The following CCR7 variants were observed in gnomAD, a reference collection of about 807,000 sequenced individuals.
CCR7 encodes C-C chemokine receptor type 7.
Under a neutral mutation model 26.0 loss-of-function variants are expected in CCR7, and 11 were observed. The ratio of observed to expected loss-of-function variants is 0.42; its 90% CI spans 0.27 to 0.70. The LOEUF is 0.70. CCR7 is among the 30% of genes least tolerant of loss of function. The pLI is 0.23. For missense variants in CCR7, 360 were observed against 504.0 expected (o/e 0.71, Z 2.74); for synonymous variants, 189 against 202.1 (o/e 0.94, Z 0.55).
Position 40,565,448 on chromosome 17 carries a change from G to T in CCR7, c.-39C>A. The T allele has an allele frequency of 6.2e-7, 1 of 1,610,118 alleles. No homozygotes were observed. The highest frequency in any genetic ancestry group is 8.5e-7 in the Non-Finnish European group (1 of 1,176,366). The stretch of plus-strand genomic sequence containing the variant: ...CGGTAAAACCACACAGGAAGGCTGT[G>T]CCCGGCCTCGCACTACCCCTGTCTG... On this transcript the variant is annotated 5_prime_UTR_variant, in exon 1 of 3. Transcript: ENST00000246657.
chr17:40,561,574 A>C (rs1230419170), intron 1 of CCR7, among the ~76,000 whole-genome samples: 4 of 152,000 alleles, frequency 2.6e-5, no homozygotes, highest in Non-Finnish European at 5.9e-5. Flanking sequence ...ATTCCCTAGA[A>C]CTCCAACCGG....
In CCR7 at chr17:40,554,627, C is replaced by A. The variant is rs2036557081; in HGVS notation, c.*115G>T. 9.9e-6 allele frequency: 8 copies of A among 807,694 alleles called. No homozygotes were observed. In the East Asian group the frequency reaches 2.0e-4, roughly 20 times the overall value. The allele number at this position is 807,694 out of a possible 1,614,324, so 50.0% of individuals were successfully genotyped here. A position where few individuals can be genotyped will look rare whatever the true frequency, so the allele number is the denominator to read the frequency against. On this transcript the variant is annotated 3_prime_UTR_variant, in exon 3 of 3. Transcript: ENST00000246657. ...AGGGGCTTGCACTCTGAGGGGAGAG[C>A]TGCTTTTCCCTGAGCAGCTTTTGGC...
chr17:40,555,153 A>G lies in CCR7; in HGVS notation c.726T>C (p.Cys242=), dbSNP rs751684156. ...FLVPLLAMSF[C]YLVIIRTLLQ... Reference sequence around the variant, plus strand: ...GCAGGGTGCGGATGATGACAAGGTAACAGAAGCTCATGGCCAGCAGGGGGA... The same window carrying G: ...GCAGGGTGCGGATGATGACAAGGTAGCAGAAGCTCATGGCCAGCAGGGGGA... Residue 242 remains cysteine, a synonymous_variant, in exon 3 of 3, where the codon TGT becomes TGC. Coordinates refer to ENST00000246657, the MANE Select transcript of CCR7 (RefSeq NM_001838.4). This position sits in a 1 kb window ranked among gnomAD's most constrained non-coding sequence, Gnocchi z 5.6. 7 of 1,614,028 alleles carry G rather than the reference A, an allele frequency of 4.3e-6. No individual in the cohort carries two copies. The East Asian group carries it at 1.1e-4, about 26-fold the overall frequency.
rs1243087807 is a variant in CCR7, at chr17:40,554,945, A to G, written c.934T>C (p.Tyr312His). The change falls in exon 3 of 3, where the codon TAC becomes CAC. Residue 312 changes from tyrosine (Y) to histidine (H), a missense_variant. Tyr to His is a moderately conservative substitution (Grantham distance 83). Transcript: ENST00000246657. ...KQLNIAYDVT[Y>H]SLACVRCCVN... Reference sequence around the variant, plus strand: ...CAGCAGCGGACGCAGGCCAGGCTGTAGGTGACGTCGTAGGCGATGTTGAGT... The same window carrying G: ...CAGCAGCGGACGCAGGCCAGGCTGTGGGTGACGTCGTAGGCGATGTTGAGT... 5.0e-6 allele frequency: 8 copies of G among 1,614,096 alleles called. No homozygotes were observed. The highest frequency in any genetic ancestry group is 6.8e-6 in the Non-Finnish European group (8 of 1,180,046).
In CCR7 at chr17:40,554,436, C is replaced by T; in HGVS notation, c.*306G>A. On this transcript the variant is annotated 3_prime_UTR_variant, in exon 3 of 3. Coordinates refer to ENST00000246657, the MANE Select transcript of CCR7 (RefSeq NM_001838.4). ...GCACTCACCCTCCTTGGCCCCTTCA[C>T]TCCAGCAGGTGGGAACAGTTTCTGG... 1 of 356,590 alleles carries T rather than the reference C, an allele frequency of 2.8e-6. No homozygotes were observed. The highest frequency in any genetic ancestry group is 3.8e-5 in the South Asian group (1 of 26,658). 22.1% of individuals were successfully genotyped at this position (356,590 alleles called of 1,614,324 possible).
rs1329688687 is a variant in CCR7, at chr17:40,554,662, T to A, written c.*80A>T. ...CTGAGCAGCTTTTGGCGGGGGGATG[T>A]CCTGAGTCATTGCATCTGCTCCCTA... On this transcript the variant is annotated 3_prime_UTR_variant, in exon 3 of 3. Transcript: ENST00000246657. 1 of 1,106,796 alleles carries A rather than the reference T, an allele frequency of 9.0e-7. No homozygotes were observed. The highest frequency in any genetic ancestry group is 1.3e-6 in the Non-Finnish European group (1 of 761,400). The allele number at this position is 1,106,796 out of a possible 1,614,324, so 68.6% of individuals were successfully genotyped here.
intron 1 of CCR7, among the ~76,000 whole-genome samples, chr17:40,560,358 G>A (rs2036640842): frequency 6.6e-6 from 1 of 152,216 alleles, no homozygotes; most frequent in African/African-American, 2.4e-5. Flanking sequence ...AATAGCGCCA[G>A]GAAATGCGTG....
chr17:40,555,400 T>C lies in CCR7; in HGVS notation c.479A>G (p.Gln160Arg), dbSNP rs772570112. The change falls in exon 3 of 3, where the codon CAG (glutamine) becomes CGG (arginine). Residue 160 changes from glutamine to arginine, a missense_variant. Coordinates refer to ENST00000246657, the MANE Select transcript of CCR7 (RefSeq NM_001838.4). This position sits in a 1 kb window ranked among gnomAD's most constrained non-coding sequence, Gnocchi z 5.6. ...ACGGTGGCGGTGAGCTGAGACAGCC[T>C]GGACGATGGCCACGTAGCGGTCAAT... ...ISIDRYVAIV[Q>R]AVSAHRHRAR... The C allele has an allele frequency of 3.1e-6, 5 of 1,613,914 alleles. No individual in the cohort carries two copies. Among genetic ancestry groups the C allele is most frequent in the Non-Finnish European group, 4.2e-6 (5 of 1,180,038 alleles).
At chr17:40,561,864 A>C (rs1475298520) in intron 1 of CCR7, among the ~76,000 whole-genome samples, 4 of 152,128 alleles carry the variant, frequency 2.6e-5, no homozygotes, top group Admixed American at 1.3e-4. Context: ...GATCTGGGGA[A>C]TCCACTTTCA....
chr17:40,554,131 C>G lies in CCR7; in HGVS notation c.*611G>C, dbSNP rs572020150. 6.6e-6 allele frequency: 1 copy of G among 152,642 alleles called. No individual in the cohort carries two copies. Among genetic ancestry groups the G allele is most frequent in the African/African-American group, 2.4e-5 (1 of 41,446 alleles). The allele number at this position is 152,642 out of a possible 1,614,324, so 9.5% of individuals were successfully genotyped here. ...CTCCCCTGTTGAGAGCCTGGGAGGG[C>G]GACGCGGCAAGTGAGGGGATGAGTG... is the stretch of plus-strand genomic sequence containing the variant. On this transcript the variant is annotated 3_prime_UTR_variant, in exon 3 of 3. Coordinates refer to ENST00000246657, the MANE Select transcript of CCR7 (RefSeq NM_001838.4).
chr17:40,558,933 A>G lies in CCR7; in HGVS notation c.20T>C (p.Met7Thr), dbSNP rs111607645. The change falls in exon 2 of 3, where the codon ATG becomes ACG. Residue 7 changes from methionine to threonine, a missense_variant. By Grantham distance (81) the Met-to-Thr change is moderately conservative (BLOSUM62 -1). Coordinates refer to ENST00000246657, the MANE Select transcript of CCR7 (RefSeq NM_001838.4). ...GAGAGCCACCACCAGCACGCTTTTC[A>G]TTGGTTTCCCTGTAGGAGACAAGGC... MDLGKP[M>T]KSVLVVALLV... 6.2e-7 allele frequency: 1 copy of G among 1,612,330 alleles called. No individual in the cohort carries two copies. Among genetic ancestry groups the G allele is most frequent in the East Asian group, 2.2e-5 (1 of 44,798 alleles).
intron 1 of CCR7, among the ~76,000 whole-genome samples, chr17:40,562,848 T>C (rs145462953): frequency 6.6e-6 from 1 of 152,230 alleles, no homozygotes; most frequent in African/African-American, 2.4e-5. Context: ...CATGGAGTTT[T>C]TGAAATAATA....
In CCR7 at chr17:40,555,433, C is replaced by G. The variant is rs762928024; in HGVS notation, c.446G>C (p.Cys149Ser). ...SFFSGMLLLL[C>S]ISIDRYVAIV... ...GGCCACGTAGCGGTCAATGCTGATG[C>G]AAAGAAGTAGGAGCATGCCACTGAA... The change falls in exon 3 of 3, where the codon TGC becomes TCC. Residue 149 changes from cysteine to serine, a missense_variant. Cys to Ser is a moderately radical substitution (Grantham distance 112, BLOSUM62 -1). Coordinates refer to ENST00000246657, the MANE Select transcript of CCR7 (RefSeq NM_001838.4). The surrounding 1 kb of genome is among the most constrained non-coding windows in gnomAD (Gnocchi z 5.6). 2 of 1,613,868 alleles carry G rather than the reference C, an allele frequency of 1.2e-6. No individual in the cohort carries two copies. Among genetic ancestry groups the G allele is most frequent in the Admixed American group, 3.3e-5 (2 of 60,010 alleles).
chr17:40,558,320 T>A (rs1261369156), intron 2 of CCR7, among the ~76,000 whole-genome samples: 3 of 152,144 alleles, frequency 2.0e-5, no homozygotes, highest in Admixed American at 1.3e-4. Flanking sequence ...CCTGCCGAGT[T>A]CAGGCCTGCT....
In CCR7 at chr17:40,554,812, G is replaced by T. The variant is rs2036561592; in HGVS notation, c.1067C>A (p.Ser356Tyr). ...CLSQEQLRQW[S>Y]SCRHIRRSSM... ...GGAGCGCCGGATGTGCCGACAGGAAGACCACTGCCGGAGCTGCTCCTGGCT... is the reference window on the plus strand; with the variant it reads ...GGAGCGCCGGATGTGCCGACAGGAATACCACTGCCGGAGCTGCTCCTGGCT... The change falls in exon 3 of 3, where the codon TCT becomes TAT. Residue 356 changes from serine (S) to tyrosine (Y), a missense_variant. Ser to Tyr is a moderately radical substitution (Grantham distance 144, BLOSUM62 -2). Coordinates refer to ENST00000246657, the MANE Select transcript of CCR7 (RefSeq NM_001838.4). The T allele has an allele frequency of 1.2e-6, 2 of 1,614,210 alleles. No homozygotes were observed. Among genetic ancestry groups the T allele is most frequent in the East Asian group, 2.2e-5 (1 of 44,876 alleles).
At chr17:40,559,200 C>T (rs1386904883) in intron 1 of CCR7, among the ~76,000 whole-genome samples, 1 of 152,192 alleles carries the variant, frequency 6.6e-6, no homozygotes, top group Non-Finnish European at 1.5e-5. Flanking sequence ...AGGGCAGCCC[C>T]TCCCACCCCC....
intron 1 of CCR7, chr17:40,560,735 T>A (rs1317055923): frequency 6.6e-6 from 1 of 152,232 alleles, no homozygotes; most frequent in African/African-American, 2.4e-5. Flanking sequence ...CCCCTGATGC[T>A]TGGCCTGGCA....
chr17:40,559,062 T>C, intron 1 of CCR7, 120 bp from the exon 2 acceptor site: 2 of 783,464 alleles, frequency 2.6e-6, no homozygotes, highest in East Asian at 5.1e-5. Context: ...GCACTGTGTT[T>C]GCTGAAAGAG....
intron 1 of CCR7, among the ~76,000 whole-genome samples, chr17:40,559,899 T>C (rs759766653): frequency 6.6e-6 from 1 of 152,176 alleles, no homozygotes; most frequent in Non-Finnish European, 1.5e-5. Flanking sequence ...TCTTTCCTGA[T>C]GTCACGACTT....
Sources: gnomAD v4.1 joint callset for allele counts (sites outside exome capture counted in the v4.1 genomes callset) on GRCh38, gnomAD v4.1.1 for gene constraint, Gnocchi (gnomAD v3.1) non-coding constraint, MANE v1.5 for transcripts, NCBI Gene and HGNC (gene_info 2026-07-23, HGNC 2026-07-21) for gene names.